TFAP2B: variants seen among roughly 807,000 people sequenced by gnomAD.
TFAP2B encodes transcription factor AP-2-beta.
Under a neutral mutation model 44.3 loss-of-function variants are expected in TFAP2B, and 9 were observed. The observed-to-expected ratio is 0.20, with a 90% CI of 0.12 to 0.35. TFAP2B has a LOEUF of 0.35. Ranked by LOEUF, TFAP2B falls within the 10% of genes least tolerant of loss-of-function variation. The probability of loss-of-function intolerance (pLI) is 1.00; values close to 1 mark genes in which losing one functional copy is unlikely to be tolerated. For missense variants in TFAP2B, 509 were observed against 600.0 expected, an observed-to-expected ratio of 0.85 and a Z score of 1.59; for synonymous variants, 270 against 263.8, an observed-to-expected ratio of 1.02 and a Z score of -0.23.
rs752914542 is a variant in TFAP2B at position 50,823,772 on chromosome 6, G to A, written c.447G>A (p.Val149=). The A allele has an allele frequency of 1.3e-6, 2 of 1,597,662 alleles. No individual in the cohort carries two copies. The change falls in exon 2 of 7, where the codon GTG becomes GTA. Residue 149 remains valine, a synonymous_variant. Coordinates refer to ENST00000393655, the MANE Select transcript of TFAP2B (RefSeq NM_003221.4). The stretch of plus-strand genomic sequence containing the variant: ...ACCACTCGGTCCGCCGGCCGGACGT[G>A]CTGCTGCATTCGGCGCACCACGGCC... The part of the protein sequence containing the change: ...RDYHSVRRPD[V]LLHSAHHGLD...
chr6:50,835,353 G>T (rs773198599), intron 3 of TFAP2B, among the ~76,000 whole-genome samples: 2 of 152,218 alleles, frequency 1.3e-5, no homozygotes, highest in Non-Finnish European at 2.9e-5. Context: ...CTGCAGAATT[G>T]CTTTCACTGA....
intron 1 of TFAP2B, among the ~76,000 whole-genome samples, chr6:50,822,701 C>T (rs1245309127): frequency 2.6e-5 from 4 of 152,212 alleles, no homozygotes; most frequent in Non-Finnish European, 5.9e-5. Flanking sequence ...AACCACAACT[C>T]AACTTAATTC....
At position 50,843,863 on chromosome 6, in the gene TFAP2B, C is replaced by G. The variant is rs1465025616; in HGVS notation, c.*471C>G. 6.1e-6 allele frequency: 1 copy of G among 164,816 alleles called. No individual in the cohort carries two copies. The highest frequency in any genetic ancestry group is 1.8e-4 in the East Asian group (1 of 5,496). 10.2% of individuals were successfully genotyped at this position (164,816 alleles called of 1,614,324 possible). On this transcript the variant is annotated 3_prime_UTR_variant, in exon 7 of 7. Coordinates refer to ENST00000393655, the MANE Select transcript of TFAP2B (RefSeq NM_003221.4). ...AGGAAACTCTCGCAGTCCCCGCCCT[C>G]CATCTCACCTCACCCGTCTCCCAAC...
At chr6:50,820,529 C>T (rs755815444) in intron 1 of TFAP2B, among the ~76,000 whole-genome samples, 2 of 152,262 alleles carry the variant, frequency 1.3e-5, no homozygotes, top group African/African-American at 2.4e-5. Flanking sequence ...GGTCTTGTTG[C>T]TGAATGATGC....
At chr6:50,835,228 C>A (rs1240849272) in intron 3 of TFAP2B, among the ~76,000 whole-genome samples, 2 of 152,180 alleles carry the variant, frequency 1.3e-5, no homozygotes, top group Non-Finnish European at 2.9e-5. Flanking sequence ...AAGGCAAGAC[C>A]GCCGCTCATA....
chr6:50,842,471 T>C (rs1237636069), intron 6 of TFAP2B, among the ~76,000 whole-genome samples: 1 of 152,254 alleles, frequency 6.6e-6, no homozygotes, highest in Non-Finnish European at 1.5e-5. Flanking sequence ...AGATTTTCAG[T>C]GCCCTACACT....
chr6:50,818,715 A>C (rs1770240279), upstream of TFAP2B: 1 of 617,088 alleles, frequency 1.6e-6, no homozygotes, highest in South Asian at 1.9e-5. Flanking sequence ...CTGTGTGTGC[A>C]ATAATGTTTT....
intron 3 of TFAP2B, among the ~76,000 whole-genome samples, chr6:50,833,974 A>G (rs1471952610): frequency 6.6e-5 from 10 of 152,210 alleles, no homozygotes; most frequent in Admixed American, 3.3e-4. Context: ...TATAATTCAT[A>G]TCATGTTAAA....
In TFAP2B at chr6:50,843,491, AATT is replaced by A. The variant is rs1762776757; in HGVS notation, c.*102_*104del. 1 of 1,290,866 alleles carries A rather than the reference AATT, an allele frequency of 7.7e-7. No individual in the cohort carries two copies. The highest frequency in any genetic ancestry group is 1.1e-6 in the Non-Finnish European group (1 of 929,900). The allele number at this position is 1,290,866 out of a possible 1,614,324, so 80.0% of individuals were successfully genotyped here. ...TAAAATATTGGATTGGCTTTGGAAG[AATT>A]ATATTAGGTAGAATACACATACAAT... On this transcript the variant is annotated 3_prime_UTR_variant, in exon 7 of 7. Coordinates refer to ENST00000393655, the MANE Select transcript of TFAP2B (RefSeq NM_003221.4).
intron 4 of TFAP2B, among the ~76,000 whole-genome samples, chr6:50,837,064 CT>C: frequency 6.6e-6 from 1 of 152,344 alleles, no homozygotes; most frequent in Middle Eastern, 3.4e-3. Flanking sequence ...ATGAAAGTGA[CT>C]TTGTCTGAGA....
At chr6:50,836,039 G>A in intron 3 of TFAP2B, 22 bp from the exon 4 acceptor site, 1 of 1,602,500 alleles carries the variant, frequency 6.2e-7, no homozygotes, top group South Asian at 1.1e-5. Context: ...CACCTTTATG[G>A]CAATTTTTTC....
At chr6:50,823,294 T>C in intron 1 of TFAP2B, 113 bp from the exon 2 acceptor site, 3 of 941,172 alleles carry the variant, frequency 3.2e-6, no homozygotes, top group Non-Finnish European at 3.4e-6. Context: ...GCTTCTCCAT[T>C]TGTCACTTGT....
chr6:50,839,779 T>C (rs1016951718), intron 5 of TFAP2B, among the ~76,000 whole-genome samples: 2 of 152,240 alleles, frequency 1.3e-5, no homozygotes, highest in African/African-American at 4.8e-5. Flanking sequence ...TTAAATTTTA[T>C]TTAAAGCAAG....
intron 1 of TFAP2B, among the ~76,000 whole-genome samples, chr6:50,822,336 C>G (rs934554442): frequency 5.9e-5 from 9 of 152,124 alleles, no homozygotes; most frequent in Admixed American, 5.9e-4. Flanking sequence ...AGCTGCTTCT[C>G]TCTGCATTGT....
At chr6:50,830,182 C>G (rs971049426) in intron 3 of TFAP2B, 2 of 430,014 alleles carry the variant, frequency 4.7e-6, no homozygotes, top group Non-Finnish European at 6.2e-6. Flanking sequence ...AGTTCCTCCT[C>G]CCTTTTCATG....
At chr6:50,820,271 C>T (rs1398901460) in intron 1 of TFAP2B, among the ~76,000 whole-genome samples, 2 of 152,194 alleles carry the variant, frequency 1.3e-5, no homozygotes, top group African/African-American at 2.4e-5. Context: ...CCTGAAAGCC[C>T]GGCGCAGAGC....
rs1351651573 is a variant in TFAP2B, at chr6:50,847,555, T to C, written c.*4163T>C. ...AAGCTGTTATGGTAATGGGTAGAAATTGGTTTATTGTCCAGTGTTAATCTG... is the reference window on the plus strand; with the variant it reads ...AAGCTGTTATGGTAATGGGTAGAAACTGGTTTATTGTCCAGTGTTAATCTG... On this transcript the variant is annotated 3_prime_UTR_variant, in exon 7 of 7. Coordinates refer to ENST00000393655, the MANE Select transcript of TFAP2B (RefSeq NM_003221.4). 2.0e-5 allele frequency: 3 copies of C among 152,620 alleles called. No homozygotes were observed. The highest frequency in any genetic ancestry group is 2.1e-4 in the South Asian group (1 of 4,834). 9.5% of individuals were successfully genotyped at this position (152,620 alleles called of 1,614,324 possible). A position where few individuals can be genotyped will look rare whatever the true frequency, so the allele number is the denominator to read the frequency against.
intron 3 of TFAP2B, among the ~76,000 whole-genome samples, chr6:50,835,252 T>C (rs929463048): frequency 6.6e-6 from 1 of 152,232 alleles, no homozygotes; most frequent in Admixed American, 6.5e-5. Context: ...ATTAGAGTGA[T>C]TGGTTGATTG....
At chr6:50,822,894 G>C (rs557470464) in intron 1 of TFAP2B, among the ~76,000 whole-genome samples, 1 of 152,204 alleles carries the variant, frequency 6.6e-6, no homozygotes. Context: ...CATTTCCAGC[G>C]AAGGCAGAAG....
Sources: gnomAD v4.1 joint callset for allele counts (sites outside exome capture counted in the v4.1 genomes callset) on GRCh38, gnomAD v4.1.1 for gene constraint, MANE v1.5 for transcripts, NCBI Gene and HGNC (gene_info 2026-07-23, HGNC 2026-07-21) for gene names.